TERB1: variants seen among roughly 807,000 people sequenced by gnomAD.
The protein encoded by TERB1 is telomere repeats-binding bouquet formation protein 1.
In TERB1, 63 loss-of-function variants were observed where a neutral mutation model predicts 92.3. The ratio of observed to expected loss-of-function variants is 0.68; its 90% CI spans 0.56 to 0.84. TERB1 has a LOEUF of 0.84. TERB1 is among the 40% of genes least tolerant of loss of function. The probability of loss-of-function intolerance (pLI) is 0.00; values close to 1 mark genes in which losing one functional copy is unlikely to be tolerated. For synonymous variants in TERB1, 252 were observed against 283.9 expected (o/e 0.89, Z 1.13); for missense variants, 709 against 843.7 (o/e 0.84, Z 1.98).
intron 10 of TERB1, among the ~76,000 whole-genome samples, 171 bp from the exon 11 acceptor site, chr16:66,777,505 A>T (rs535806213): frequency 3.9e-5 from 6 of 152,308 alleles, no homozygotes; most frequent in Non-Finnish European, 7.4e-5. Flanking sequence ...ATATAAATAA[A>T]ATATAAATTC....
intron 14 of TERB1, among the ~76,000 whole-genome samples, chr16:66,769,517 A>T (rs1362490530): frequency 6.6e-6 from 1 of 152,222 alleles, no homozygotes. Context: ...GCAGGGAACA[A>T]ACAAAAGGGC....
At chr16:66,794,055 G>T (rs1240147017) in intron 3 of TERB1, among the ~76,000 whole-genome samples, 1 of 152,100 alleles carries the variant, frequency 6.6e-6, no homozygotes, top group African/African-American at 2.4e-5. Context: ...ATGATTTTCA[G>T]TTCTAGGCAC....
At position 66,754,861 on chromosome 16, in the gene TERB1, CTG is replaced by C; in HGVS notation, c.*113_*114del. 1 of 965,496 alleles carries C rather than the reference CTG, an allele frequency of 1.0e-6. No individual in the cohort carries two copies. Among genetic ancestry groups the C allele is most frequent in the South Asian group, 1.7e-5 (1 of 60,398 alleles). The allele number at this position is 965,496 out of a possible 1,614,324, so 59.8% of individuals were successfully genotyped here. On this transcript the variant is annotated 3_prime_UTR_variant, in exon 19 of 19. Transcript: ENST00000433154. ...CATCACAAAAACTGTTTAATGAAAA[CTG>C]TATCCTCATTTCCACATTCCTTCTC...
At chr16:66,793,856 A>G (rs1031027522) in intron 3 of TERB1, among the ~76,000 whole-genome samples, 8 of 152,102 alleles carry the variant, frequency 5.3e-5, no homozygotes, top group African/African-American at 1.9e-4. Flanking sequence ...ATTTGTTTCA[A>G]TGAAATAATT....
At chr16:66,764,113 G>C in intron 16 of TERB1, among the ~76,000 whole-genome samples, 1 of 152,192 alleles carries the variant, frequency 6.6e-6, no homozygotes, top group East Asian at 1.9e-4. Context: ...GGAACATAGA[G>C]ATACTTATTA....
chr16:66,775,571 C>T (rs1469520935), intron 11 of TERB1, among the ~76,000 whole-genome samples: 2 of 152,022 alleles, frequency 1.3e-5, no homozygotes, highest in African/African-American at 2.4e-5. Context: ...GAGGTGGAGG[C>T]TGCAGTGAGC....
chr16:66,798,562 T>C (rs1263633598), intron 2 of TERB1, among the ~76,000 whole-genome samples: 1 of 152,208 alleles, frequency 6.6e-6, no homozygotes, highest in African/African-American at 2.4e-5. Flanking sequence ...TACAAGAATA[T>C]TCACATTTAC....
At chr16:66,760,130 C>CAAAAAAAAAAAAA (rs148772308) in intron 16 of TERB1, among the ~76,000 whole-genome samples, 3 of 23,376 alleles carry the variant, frequency 1.3e-4, no homozygotes, top group Non-Finnish European at 2.0e-4. Context: ...GACTCCATCT[C>CAAAAAAAAAAAAA]AAAAAAAAAA....
In TERB1 at chr16:66,778,995, C is replaced by G; in HGVS notation, c.721G>C (p.Val241Leu). 6.6e-7 allele frequency: 1 copy of G among 1,510,702 alleles called. No homozygotes were observed. 93.6% of individuals were successfully genotyped at this position (1,510,702 alleles called of 1,614,324 possible). Residue 241 changes from valine (V) to leucine (L), a missense_variant, in exon 10 of 19, where the codon GTA becomes CTA. By Grantham distance (32) the Val-to-Leu change is conservative. Coordinates refer to ENST00000433154, the MANE Select transcript of TERB1 (RefSeq NM_001136505.2). ...ANNTYVQKYF[V>L]SVGGLDVLSQ... Reference sequence around the variant, plus strand: ...AATACATCCAGTCCGCCCACAGATACGAAGTATTTCTGAACATATGCTTAA... The same window carrying G: ...AATACATCCAGTCCGCCCACAGATAGGAAGTATTTCTGAACATATGCTTAA...
intron 16 of TERB1, among the ~76,000 whole-genome samples, chr16:66,765,644 G>A (rs1274720278): frequency 2.6e-5 from 4 of 151,386 alleles, no homozygotes; most frequent in Non-Finnish European, 5.9e-5. Context: ...TTTTAGTAGA[G>A]ACGGGGTTTC....
intron 2 of TERB1, 35 bp downstream of exon 2, chr16:66,800,942 C>T (rs954790249): frequency 1.3e-5 from 2 of 152,456 alleles, no homozygotes; most frequent in Non-Finnish European, 2.9e-5. Context: ...TCACCCCGCC[C>T]GGCTTCCTGC....
intron 8 of TERB1, 32 bp from the exon 9 acceptor site, chr16:66,785,940 T>C: frequency 6.5e-7 from 1 of 1,531,856 alleles, no homozygotes; most frequent in Non-Finnish European, 8.8e-7. Flanking sequence ...CATGATTTAA[T>C]ATGACAATTG....
At chr16:66,784,825 C>T (rs2145198445) in intron 9 of TERB1, among the ~76,000 whole-genome samples, 1 of 144,024 alleles carries the variant, frequency 6.9e-6, no homozygotes, top group East Asian at 2.0e-4. Flanking sequence ...ATCTCAGCCT[C>T]TGCAGGTTCA....
chr16:66,781,279 A>G (rs189129141), intron 9 of TERB1, among the ~76,000 whole-genome samples: 45 of 151,894 alleles, frequency 3.0e-4, no homozygotes, highest in Middle Eastern at 6.8e-3. Context: ...CTGGTCTCAA[A>G]CTCCTGGGCT....
At chr16:66,770,761 A>G (rs2018434129) in intron 13 of TERB1, among the ~76,000 whole-genome samples, 1 of 152,174 alleles carries the variant, frequency 6.6e-6, no homozygotes, top group Non-Finnish European at 1.5e-5. Flanking sequence ...CAGGGATCTC[A>G]GGAATAAAGA....
rs1472331772 is a variant in TERB1 at position 66,754,741 on chromosome 16, A to T, written c.*235T>A. On this transcript the variant is annotated 3_prime_UTR_variant, in exon 19 of 19. Coordinates refer to ENST00000433154, the MANE Select transcript of TERB1 (RefSeq NM_001136505.2). The stretch of plus-strand genomic sequence containing the variant: ...TAAGGAAAAATAAAAGCATATTCCT[A>T]AACAAATGTTTGATCTTATGAAGGA... 2.1e-6 allele frequency: 1 copy of T among 466,948 alleles called. No homozygotes were observed. Among genetic ancestry groups the T allele is most frequent in the Non-Finnish European group, 3.7e-6 (1 of 267,884 alleles). 28.9% of individuals were successfully genotyped at this position (466,948 alleles called of 1,614,324 possible).
In TERB1 at chr16:66,759,212, C is replaced by T. The variant is rs142204236; in HGVS notation, c.1859G>A (p.Arg620His). 5.9e-5 allele frequency: 91 copies of T among 1,550,856 alleles called. No homozygotes were observed. Among genetic ancestry groups the T allele is most frequent in the Middle Eastern group, 3.3e-4 (2 of 5,992 alleles). The change falls in exon 17 of 19, where the codon CGT (arginine) becomes CAT (histidine). Residue 620 changes from arginine (R) to histidine (H), a missense_variant. Coordinates refer to ENST00000433154, the MANE Select transcript of TERB1 (RefSeq NM_001136505.2). ...TTCAGCTTCCACAATGACTTTGTGA[C>T]GATCACATTGGTATGGGCAAGAGTG... is the stretch of plus-strand genomic sequence containing the variant. ...LLHSCPYQCDRHKVIVEAEDR... is the reference protein window; with the variant it reads ...LLHSCPYQCDHHKVIVEAEDR...
Position 66,775,199 on chromosome 16 carries a change from T to C in TERB1, c.1030A>G (p.Met344Val), listed in dbSNP as rs917450914. ...DLFKNNGLPL[M>V]IQALTESQNE... is the part of the protein sequence containing the mutation. ...TGCGATTCAGTTAAGGCTTGAATCA[T>C]GAGTGGAAGCCCATTGTTTTTAAAA... The change falls in exon 12 of 19, where the codon ATG becomes GTG. Residue 344 changes from methionine to valine, a missense_variant. By Grantham distance (21) the Met-to-Val change is conservative. Transcript: ENST00000433154. The C allele has an allele frequency of 2.6e-6, 4 of 1,551,132 alleles. No homozygotes were observed. The highest frequency in any genetic ancestry group is 1.4e-5 in the African/African-American group (1 of 73,056).
intron 9 of TERB1, among the ~76,000 whole-genome samples, chr16:66,782,587 T>C (rs954861014): frequency 2.6e-5 from 4 of 151,142 alleles, no homozygotes; most frequent in African/African-American, 9.7e-5. Context: ...AGTCTATACC[T>C]ACACCAAAGC....
Sources: allele counts gnomAD v4.1 joint callset (sites outside exome capture counted in the v4.1 genomes callset), GRCh38; gene constraint gnomAD v4.1.1; transcripts MANE v1.5; gene names NCBI Gene and HGNC (gene_info 2026-07-23, HGNC 2026-07-21).